The following CLVS1 variants were observed in gnomAD, a reference collection of about 807,000 sequenced individuals.
CLVS1 encodes clavesin 1.
A neutral mutation model predicts 33.1 loss-of-function variants in CLVS1; 10 were observed. The observed-to-expected ratio is 0.30, with a 90% CI of 0.19 to 0.51. The LOEUF (loss-of-function observed/expected upper bound fraction) is 0.51. Ranked by LOEUF, CLVS1 falls within the 20% of genes least tolerant of loss-of-function variation. The pLI is 0.97. For synonymous variants in CLVS1, 163 were observed against 166.1 expected, an observed-to-expected ratio of 0.98 and a Z score of 0.14; for missense variants, 343 against 433.4, an observed-to-expected ratio of 0.79 and a Z score of 1.85.
chr8:60,993,650 A>T, the CLVS1 span, among the ~76,000 whole-genome samples: 11 of 152,328 alleles, frequency 7.2e-5, no homozygotes, highest in African/African-American at 2.6e-4. Context: ...CCTGGTGGAA[A>T]GGCAGCTCCT....
intron 5 of CLVS1, among the ~76,000 whole-genome samples, chr8:61,488,760 G>A (rs1231758678): frequency 6.6e-6 from 1 of 152,198 alleles, no homozygotes; most frequent in East Asian, 1.9e-4. Context: ...GGAATGCATA[G>A]TTTCATAAAG....
chr8:60,982,483 C>A, the CLVS1 span, among the ~76,000 whole-genome samples: 1 of 152,146 alleles, frequency 6.6e-6, no homozygotes, highest in Non-Finnish European at 1.5e-5. Flanking sequence ...ATTTGGTAAT[C>A]CTTTAAAAGG....
intron 2 of CLVS1, among the ~76,000 whole-genome samples, chr8:61,244,417 A>C (rs1808766608): frequency 6.6e-6 from 1 of 152,140 alleles, no homozygotes; most frequent in Non-Finnish European, 1.5e-5. Flanking sequence ...AATTTTTGTA[A>C]ATGTTACCTG....
chr8:60,988,778 G>T, the CLVS1 span, among the ~76,000 whole-genome samples: 26 of 152,142 alleles, frequency 1.7e-4, no homozygotes, highest in Admixed American at 1.7e-3. Context: ...CTTAAAACTT[G>T]CCATAAATGA....
chr8:61,403,010 C>T lies in CLVS1; in HGVS notation c.630+26231C>T, dbSNP rs531718674. Among the ~76,000 whole-genome samples the T allele has an allele frequency of 2.0e-5, 3 of 152,138 alleles. No homozygotes were observed. In the South Asian group the frequency reaches 6.2e-4, roughly 32 times the overall value. On this transcript the variant is annotated intron_variant, in intron 3 of 5. Transcript: ENST00000325897. ...AACATGATAAGTACTATTAAAAAAA[C>T]AGGTTAGGGTGATTGAAACTACTAG...
intron 2 of CLVS1, among the ~76,000 whole-genome samples, chr8:61,373,075 A>G (rs1349980545): frequency 2.0e-5 from 3 of 152,224 alleles, no homozygotes; most frequent in African/African-American, 4.8e-5. Context: ...TGGAGTATCT[A>G]CATAAATTAT....
intron 2 of CLVS1, among the ~76,000 whole-genome samples, chr8:61,336,528 A>G (rs1811812891): frequency 6.6e-6 from 1 of 152,110 alleles, no homozygotes. Context: ...AATAGAAGTG[A>G]GCAGAACCCT....
chr8:61,441,760 G>T (rs2129606183), intron 3 of CLVS1, among the ~76,000 whole-genome samples: 1 of 152,230 alleles, frequency 6.6e-6, no homozygotes, highest in Non-Finnish European at 1.5e-5. Context: ...ACAAAACAAG[G>T]CAGTTGAGTG....
chr8:61,408,911 A>G (rs1043842703), intron 3 of CLVS1, among the ~76,000 whole-genome samples: 1 of 152,186 alleles, frequency 6.6e-6, no homozygotes, highest in East Asian at 1.9e-4. Flanking sequence ...TGGGGAAACG[A>G]TGGTCTCCAT....
chr8:61,314,525 G>T (rs1279325782), intron 2 of CLVS1, among the ~76,000 whole-genome samples: 1 of 152,012 alleles, frequency 6.6e-6, no homozygotes. Flanking sequence ...ACTTGAAAAA[G>T]CAAAAATAAA....
At chr8:61,150,238 T>A (rs1380721842) in intron 2 of CLVS1, among the ~76,000 whole-genome samples, 1 of 152,112 alleles carries the variant, frequency 6.6e-6, no homozygotes, top group Admixed American at 6.5e-5. Flanking sequence ...CCAGTTTTGC[T>A]CTTCTCCAAG....
chr8:61,136,940 C>A (rs1165061002), intron 2 of CLVS1, among the ~76,000 whole-genome samples: 2 of 152,264 alleles, frequency 1.3e-5, no homozygotes, highest in East Asian at 3.9e-4. Flanking sequence ...GCTGTATAAT[C>A]CCACTGGCTC....
chr8:61,104,550 A>G (rs181857604), intron 1 of CLVS1, among the ~76,000 whole-genome samples: 108 of 152,368 alleles, frequency 7.1e-4, no homozygotes, highest in Non-Finnish European at 1.3e-3. Flanking sequence ...AATCTTTAAG[A>G]ATCATGAACC....
chr8:61,145,755 G>A (rs1028813486), intron 2 of CLVS1, among the ~76,000 whole-genome samples: 22 of 152,196 alleles, frequency 1.4e-4, no homozygotes, highest in Non-Finnish European at 2.8e-4. Context: ...GGAAACGATT[G>A]TGGTCAGTGG....
At chr8:61,474,101 G>T (rs961339385) in intron 5 of CLVS1, among the ~76,000 whole-genome samples, 1 of 152,184 alleles carries the variant, frequency 6.6e-6, no homozygotes, top group Non-Finnish European at 1.5e-5. Context: ...TGAGTGCCTA[G>T]GTTTGAGCTG....
chr8:60,993,690 C>T, the CLVS1 span, among the ~76,000 whole-genome samples: 181 of 152,320 alleles, frequency 1.2e-3, no homozygotes, highest in African/African-American at 4.2e-3. Flanking sequence ...TCAGCCCTAA[C>T]GTGACCCATT....
chr8:61,117,758 G>A lies in CLVS1; in HGVS notation c.-242-14012G>A, dbSNP rs1484459403. Among the ~76,000 whole-genome samples, 9 of 152,192 alleles carry A rather than the reference G, an allele frequency of 5.9e-5. No homozygotes were observed. The East Asian group carries it at 1.5e-3, about 26-fold the overall frequency. On this transcript the variant is annotated intron_variant, in intron 1 of 2. Transcript: ENST00000522621. ...TGGTGGATAAGCTTTTTGATGTGCT[G>A]CTGGATTCGGAGTGCCAGTATTTTA...
chr8:61,430,359 A>T (rs1816064733), intron 3 of CLVS1, among the ~76,000 whole-genome samples: 1 of 152,202 alleles, frequency 6.6e-6, no homozygotes, highest in African/African-American at 2.4e-5. Context: ...AGTGGTTACA[A>T]AGCACTCTGG....
intron 2 of CLVS1, among the ~76,000 whole-genome samples, chr8:61,353,925 C>G (rs1812579129): frequency 6.6e-6 from 1 of 151,588 alleles, no homozygotes; most frequent in Non-Finnish European, 1.5e-5. Flanking sequence ...GATCCTACAG[C>G]CATGAAAAGG....
Sources: allele counts gnomAD v4.1 joint callset (sites outside exome capture counted in the v4.1 genomes callset), GRCh38; gene constraint gnomAD v4.1.1; transcripts MANE v1.5; gene names NCBI Gene and HGNC (gene_info 2026-07-23, HGNC 2026-07-21).